Variants in CDH26 observed in about 807,000 individuals in gnomAD.
CDH26 encodes cadherin-like protein 26.
CDH26 carries 83 observed loss-of-function variants against 90.3 expected under a neutral mutation model. That is an observed-to-expected ratio of 0.92 (90% CI 0.77 to 1.10). The LOEUF is 1.10. Among genes scored for constraint, CDH26 ranks in the 50% least tolerant of loss-of-function variants. The pLI is 0.00. For missense variants in CDH26, 1,013 were observed against 1,037.6 expected, an observed-to-expected ratio of 0.98 and a Z score of 0.33; for synonymous variants, 397 against 396.3, an observed-to-expected ratio of 1.00 and a Z score of -0.02.
chr20:60,017,799 C>T, downstream of CDH26, among the ~76,000 whole-genome samples: 1 of 152,004 alleles, frequency 6.6e-6, no homozygotes, highest in Non-Finnish European at 1.5e-5. Context: ...TTTTGGTGTG[C>T]TGTGTTTCCT....
Position 60,033,628 on chromosome 20 carries a change from C to G in CDH26, c.1287C>G (p.Tyr429Ter). 7.7e-7 allele frequency: 1 copy of G among 1,304,906 alleles called. No homozygotes were observed. The highest frequency in any genetic ancestry group is 1.0e-6 in the Non-Finnish European group (1 of 989,066). The allele number at this position is 1,304,906 out of a possible 1,614,324, so 80.8% of individuals were successfully genotyped here. ...AAAAGGCATGTTTCCCAGGAGACTA[C>G]AGAGGAGAATCGGCAGGTGGTCACA... The change falls in exon 9 of 9, where the codon TAC becomes TAG. Residue 429 changes from tyrosine to a stop codon, truncating the protein, a stop_gained. Transcript: ENST00000370991. LOFTEE classifies it high-confidence loss of function.
intron 4 of CDH26, among the ~76,000 whole-genome samples, chr20:59,980,325 T>C (rs2061379912): frequency 6.6e-6 from 1 of 151,680 alleles, no homozygotes; most frequent in South Asian, 2.1e-4. Flanking sequence ...ATGGAGTTTC[T>C]TTCTTGTCTC....
Position 59,994,475 on chromosome 20 carries a change from T to C in CDH26, c.1652T>C (p.Leu551Ser), listed in dbSNP as rs144981944. 112 of 1,613,968 alleles carry C rather than the reference T, an allele frequency of 6.9e-5. No individual in the cohort carries two copies. In the African/African-American group the frequency reaches 1.4e-3, roughly 21 times the overall value. The change falls in exon 11 of 18, where the codon TTG becomes TCG. Residue 551 changes from leucine (L) to serine (S), a missense_variant. Physicochemically the swap from Leu to Ser is moderately radical, Grantham distance 145. Transcript: ENST00000348616. ...TWGNAEDTWK[L>S]GRNWGQSVEL... Reference sequence around the variant, plus strand: ...GGAAATGCGGAGGACACATGGAAGTTGGGGAGAAATTGGGGTGAGTTTTTG... The same window carrying C: ...GGAAATGCGGAGGACACATGGAAGTCGGGGAGAAATTGGGGTGAGTTTTTG...
intron 1 of CDH26, among the ~76,000 whole-genome samples, chr20:59,961,511 TC>T (rs2061073731): frequency 6.6e-6 from 1 of 152,168 alleles, no homozygotes. Flanking sequence ...TGAGTAACAT[TC>T]CGTTCCATTC....
intron 17 of CDH26, 85 bp downstream of exon 17, chr20:60,006,872 T>C: frequency 1.0e-6 from 1 of 991,826 alleles, no homozygotes; most frequent in East Asian, 2.4e-5. Flanking sequence ...GGACACTTCC[T>C]CCTAAATCAC....
intron 9 of CDH26, among the ~76,000 whole-genome samples, chr20:59,989,482 T>C (rs991504980): frequency 3.4e-5 from 5 of 146,510 alleles, no homozygotes; most frequent in Non-Finnish European, 5.9e-5. Flanking sequence ...GAGCCGAGAT[T>C]GCGCCACTGC....
At chr20:59,991,224 C>A (rs561565715) in intron 9 of CDH26, among the ~76,000 whole-genome samples, 2 of 152,304 alleles carry the variant, frequency 1.3e-5, no homozygotes, top group Admixed American at 6.5e-5. Flanking sequence ...TTTCCTAATT[C>A]ATTGCTGTCT....
downstream of CDH26, among the ~76,000 whole-genome samples, chr20:60,015,142 G>A (rs768004036): frequency 2.8e-4 from 42 of 152,064 alleles, no homozygotes; most frequent in Non-Finnish European, 7.4e-5. Context: ...GAGCCACCAC[G>A]CCCAGTTAAT....
intron 1 of CDH26, 94 bp downstream of exon 1, chr20:59,958,889 G>A: frequency 1.5e-6 from 2 of 1,310,542 alleles, no homozygotes; most frequent in East Asian, 2.5e-5. Context: ...GAGGGGAGAG[G>A]GACTGAGTGT....
intron 14 of CDH26, among the ~76,000 whole-genome samples, chr20:59,999,972 C>T (rs562103500): frequency 1.5e-3 from 231 of 152,282 alleles, no homozygotes; most frequent in Middle Eastern, 0.014. Context: ...TAGTGTATTT[C>T]TTAAGACACT....
At position 59,982,919 on chromosome 20, in the gene CDH26, C is replaced by T. The variant is rs1252794706; in HGVS notation, c.394-4C>T. 13 of 1,611,676 alleles carry T rather than the reference C, an allele frequency of 8.1e-6. No homozygotes were observed. In the East Asian group the frequency reaches 2.7e-4, roughly 33 times the overall value. ...CAGGATTTTTACAGCTCTCTGCTTC[C>T]TAGGTTTATTTTGATGTTGTGGAGC... On this transcript the variant is annotated splice_region_variant and splice_polypyrimidine_tract_variant and intron_variant, in intron 4 of 17. Transcript: ENST00000348616.
intron 3 of CDH26, among the ~76,000 whole-genome samples, 153 bp downstream of exon 3, chr20:59,970,339 C>T (rs1272814269): frequency 6.6e-6 from 1 of 152,140 alleles, no homozygotes; most frequent in Non-Finnish European, 1.5e-5. Context: ...TTCAGGAAGC[C>T]TGGGTTCTAG....
chr20:60,031,533 T>C (rs2062039944), intron 8 of CDH26: 1 of 1,024,984 alleles, frequency 9.8e-7, no homozygotes, highest in Non-Finnish European at 1.2e-6. Context: ...TCAATTGAAT[T>C]AATTATTTGT....
At chr20:60,027,892 A>G (rs2062011091) in intron 7 of CDH26, among the ~76,000 whole-genome samples, 1 of 152,198 alleles carries the variant, frequency 6.6e-6, no homozygotes, top group Non-Finnish European at 1.5e-5. Context: ...TGGAATAATG[A>G]TAGATTCACA....
chr20:60,032,561 C>A lies in CDH26; in HGVS notation c.1144-925C>A, dbSNP rs371212927. 2.0e-5 allele frequency among the ~76,000 whole-genome samples: 3 copies of A among 152,070 alleles called. No homozygotes were observed. In the South Asian group the frequency reaches 6.2e-4, roughly 32 times the overall value. The stretch of plus-strand genomic sequence containing the variant: ...GACACATGCACACGTATGTTTATTG[C>A]GGCATTATTCACAATAGCAAAGACT... On this transcript the variant is annotated intron_variant, in intron 8 of 8. Transcript: ENST00000370991.
intron 17 of CDH26, among the ~76,000 whole-genome samples, chr20:60,007,507 G>C (rs752268149): frequency 6.6e-6 from 1 of 152,198 alleles, no homozygotes; most frequent in African/African-American, 2.4e-5. Context: ...GTTGGCAACT[G>C]TATTTATACC....
chr20:59,958,659 G>C lies in CDH26; in HGVS notation c.-68G>C, dbSNP rs113026468. 2.0e-6 allele frequency: 3 copies of C among 1,503,764 alleles called. No homozygotes were observed. Among genetic ancestry groups the C allele is most frequent in the African/African-American group, 1.4e-5 (1 of 72,774 alleles). The allele number at this position is 1,503,764 out of a possible 1,614,324, so 93.2% of individuals were successfully genotyped here. A position where few individuals can be genotyped will look rare whatever the true frequency, so the allele number is the denominator to read the frequency against. On this transcript the variant is annotated 5_prime_UTR_variant, in exon 1 of 18. Coordinates refer to ENST00000348616, the MANE Select transcript of CDH26 (RefSeq NM_177980.4). ...GGCTGAGAAGGAGGTGTGTGGCTCC[G>C]GTGAGACCACCAGCTTGGAGGACTG...
At chr20:59,967,946 T>TCC (rs2061189885) in intron 1 of CDH26, among the ~76,000 whole-genome samples, 3 of 108,270 alleles carry the variant, frequency 2.8e-5, no homozygotes, top group African/African-American at 1.7e-4. Flanking sequence ...TTTCTTTCTT[T>TCC]CTTTCTTTCT....
At chr20:60,005,481 TATGTATG>T (rs1440650690) in intron 16 of CDH26, among the ~76,000 whole-genome samples, 5 of 140,112 alleles carry the variant, frequency 3.6e-5, no homozygotes, top group African/African-American at 1.4e-4. Context: ...TATATATCTG[TATGTATG>T]TATGTATGTA....
Sources: allele counts gnomAD v4.1 joint callset (sites outside exome capture counted in the v4.1 genomes callset), GRCh38; gene constraint gnomAD v4.1.1; transcripts MANE v1.5; gene names NCBI Gene and HGNC (gene_info 2026-07-23, HGNC 2026-07-21).